Variants in RTKN observed in about 807,000 individuals in gnomAD.
RTKN encodes the protein rhotekin.
A neutral mutation model predicts 63.5 loss-of-function variants in RTKN; 49 were observed. The ratio of observed to expected loss-of-function variants is 0.77; its 90% CI spans 0.61 to 0.98. The LOEUF (loss-of-function observed/expected upper bound fraction) is 0.98, where lower values mean the gene tolerates loss of function less well. Ranked by LOEUF, RTKN falls within the 50% of genes least tolerant of loss-of-function variation. The pLI, the probability that RTKN is intolerant of heterozygous loss-of-function variation, is 0.00. For missense variants in RTKN, 685 were observed against 740.8 expected (o/e 0.92, Z 0.87); for synonymous variants, 295 against 290.4 (o/e 1.02, Z -0.16).
chr2:74,436,235 C>A lies in RTKN; in HGVS notation c.112-3569G>T, dbSNP rs1382590868. Among the ~76,000 whole-genome samples the A allele has an allele frequency of 6.6e-5, 10 of 152,264 alleles. No individual in the cohort carries two copies. Among genetic ancestry groups the A allele is most frequent in the Admixed American group, 5.2e-4 (8 of 15,292 alleles). ...CCATTGCGAGAGGCGCGCAGAGGCGCGCGAGGTCCAGAGAGCTGCACTGGC... is the reference window on the plus strand; with the variant it reads ...CCATTGCGAGAGGCGCGCAGAGGCGAGCGAGGTCCAGAGAGCTGCACTGGC... On this transcript the variant is annotated intron_variant, in intron 1 of 11. Coordinates refer to ENST00000272430, the MANE Select transcript of RTKN (RefSeq NM_001015055.2). This position sits in a 1 kb window ranked among gnomAD's most constrained non-coding sequence, Gnocchi z 4.3.
At chr2:74,431,480 T>C (rs1017111413) in intron 2 of RTKN, among the ~76,000 whole-genome samples, 1 of 152,228 alleles carries the variant, frequency 6.6e-6, no homozygotes, top group East Asian at 1.9e-4. Context: ...AGCTAAATGA[T>C]GTGGCACTAA....
chr2:74,439,860 A>G, intron 1 of RTKN: 2 of 1,355,752 alleles, frequency 1.5e-6, no homozygotes, highest in Non-Finnish European at 1.9e-6. Flanking sequence ...GGAGCCAGGC[A>G]GGGAAGAAAA....
At chr2:74,432,137 A>C in intron 2 of RTKN, 1 of 444,174 alleles carries the variant, frequency 2.3e-6, no homozygotes. Flanking sequence ...GCGTTGAGGA[A>C]ATTAATTTTC....
intron 1 of RTKN, chr2:74,440,508 C>A: frequency 1.0e-6 from 1 of 986,924 alleles, no homozygotes; most frequent in Non-Finnish European, 1.2e-6. Flanking sequence ...CGCCTCCACG[C>A]CAGGCCCACG....
chr2:74,429,244 G>A (rs984704683), intron 6 of RTKN, among the ~76,000 whole-genome samples: 6 of 152,220 alleles, frequency 3.9e-5, no homozygotes, highest in Admixed American at 3.9e-4. Context: ...TAGGTGGAAA[G>A]TGGGGGAGTT....
Position 74,426,435 on chromosome 2 carries a change from T to C in RTKN, c.1500A>G (p.Ser500=). Residue 500 remains serine (S), a synonymous_variant, in exon 12 of 12, where the codon TCA becomes TCG. Coordinates refer to ENST00000272430, the MANE Select transcript of RTKN (RefSeq NM_001015055.2). ...GGGTCCAGTCTGGGGCTGGGGCCAC[T>C]GAGGCAGGCGAGCAGGGGTTAGGCA... ...PALPNPCSPA[S]VAPAPDWTHP... 6.2e-7 allele frequency: 1 copy of C among 1,612,304 alleles called. No individual in the cohort carries two copies. The highest frequency in any genetic ancestry group is 8.5e-7 in the Non-Finnish European group (1 of 1,179,252).
intron 9 of RTKN, 34 bp downstream of exon 9, chr2:74,428,234 C>T: frequency 1.9e-6 from 3 of 1,613,968 alleles, no homozygotes; most frequent in Non-Finnish European, 2.5e-6. Context: ...TGGGCCTGTG[C>T]CCTTGGTGGC....
intron 11 of RTKN, 110 bp downstream of exon 11, chr2:74,427,059 C>T: frequency 6.7e-7 from 1 of 1,483,526 alleles, no homozygotes; most frequent in South Asian, 1.4e-5. Context: ...CCCCAGAGAT[C>T]TGGTGTAGCC....
At chr2:74,440,021 C>T (rs1671271783) in intron 1 of RTKN, 12 of 1,053,952 alleles carry the variant, frequency 1.1e-5, no homozygotes, top group Non-Finnish European at 1.3e-5. Context: ...TGGCCGCTCC[C>T]CAGCCCCCGC....
intron 9 of RTKN, chr2:74,427,845 G>T: frequency 1.9e-6 from 1 of 524,400 alleles, no homozygotes; most frequent in Non-Finnish European, 3.4e-6. Flanking sequence ...AGACACAAAG[G>T]TAGGCAAGGA....
In RTKN at chr2:74,427,169, C is replaced by T; in HGVS notation, c.1360G>A (p.Ala454Thr). Residue 454 changes from alanine (A) to threonine (T), a missense_variant and splice_region_variant, in exon 11 of 12, where the codon GCT (alanine) becomes ACT (threonine). Ala to Thr is a moderately conservative substitution (Grantham distance 58). Coordinates refer to ENST00000272430, the MANE Select transcript of RTKN (RefSeq NM_001015055.2). ...AKQGSLYHEM[A>T]IEPLDDIAAV... ...TGGAGTTCACATTCCTCTCACTTACCCATCTCATGGTACAAGGACCCCTGC... is the reference window on the plus strand; with the variant it reads ...TGGAGTTCACATTCCTCTCACTTACTCATCTCATGGTACAAGGACCCCTGC... The T allele has an allele frequency of 1.2e-6, 2 of 1,613,050 alleles. No homozygotes were observed. The highest frequency in any genetic ancestry group is 1.7e-6 in the Non-Finnish European group (2 of 1,179,134).
At chr2:74,439,795 C>T in intron 1 of RTKN, 4 of 1,420,650 alleles carry the variant, frequency 2.8e-6, no homozygotes, top group Non-Finnish European at 3.7e-6. Context: ...CTGTTAAACC[C>T]CTCTGGCTGC....
chr2:74,432,433 G>C (rs1290485047), intron 2 of RTKN, 34 bp downstream of exon 2: 1 of 1,591,818 alleles, frequency 6.3e-7, no homozygotes. Context: ...AAGGCCTCCT[G>C]CCTCCATCGA....
chr2:74,430,544 A>G (rs1670688427), intron 3 of RTKN, 26 bp from the exon 4 acceptor site: 1 of 1,613,950 alleles, frequency 6.2e-7, no homozygotes, highest in East Asian at 2.2e-5. Flanking sequence ...GTAAGAATAG[A>G]TGTTGAGATG....
At chr2:74,428,778 A>G (rs766803715) in intron 7 of RTKN, 41 bp from the exon 8 acceptor site, 4 of 1,605,764 alleles carry the variant, frequency 2.5e-6, no homozygotes, top group Non-Finnish European at 3.4e-6. Context: ...GGGGAATGAG[A>G]AGGGGACCAT....
Position 74,429,969 on chromosome 2 carries a change from G to GC in RTKN, c.613dup (p.Ala205GlyfsTer73). 2 of 1,614,232 alleles carry GC rather than the reference G, an allele frequency of 1.2e-6. No individual in the cohort carries two copies. The highest frequency in any genetic ancestry group is 1.7e-6 in the Non-Finnish European group (2 of 1,180,028). On this transcript the variant is annotated frameshift_variant, in exon 6 of 12. Transcript: ENST00000272430. LOFTEE classifies it high-confidence loss of function. ...AAGCCTCTTGGGGCCGCCAGTCAGG[G>GC]CCCCCTCTTCTTCCACACAGGCCCC...
Position 74,426,437 on chromosome 2 carries a change from AGGCAGGCGAGCAGGGGTTAGGCAG to A in RTKN, c.1474_1497del (p.Leu492_Ala499del). ...GTCCAGTCTGGGGCTGGGGCCACTG[AGGCAGGCGAGCAGGGGTTAGGCAG>A]GGCAGGCTGGTCTGTAAACATTGCC... On this transcript the variant is annotated inframe_deletion, in exon 12 of 12. Transcript: ENST00000272430. 1 of 1,612,388 alleles carries A rather than the reference AGGCAGGCGAGCAGGGGTTAGGCAG, an allele frequency of 6.2e-7. No individual in the cohort carries two copies. Among genetic ancestry groups the A allele is most frequent in the Non-Finnish European group, 8.5e-7 (1 of 1,179,322 alleles).
rs2103868528 is a variant in RTKN at position 74,426,359 on chromosome 2, G to C, written c.1576C>G (p.Pro526Ala). 2 of 1,612,054 alleles carry C rather than the reference G, an allele frequency of 1.2e-6. No individual in the cohort carries two copies. The highest frequency in any genetic ancestry group is 1.7e-4 in the Middle Eastern group (1 of 6,054). ...GAGCGAGCCCTAGGGGAGTGGTCTG[G>C]GGGGACAGCATCCAGGGAAAAGGTT... ...PRTFSLDAVP[P>A]DHSPRARSVA... The change falls in exon 12 of 12, where the codon CCA becomes GCA. Residue 526 changes from proline to alanine, a missense_variant. Pro to Ala is a conservative substitution (Grantham distance 27). Coordinates refer to ENST00000272430, the MANE Select transcript of RTKN (RefSeq NM_001015055.2).
At chr2:74,429,454 G>A (rs1573241473) in intron 6 of RTKN, among the ~76,000 whole-genome samples, 1 of 152,204 alleles carries the variant, frequency 6.6e-6, no homozygotes, top group African/African-American at 2.4e-5. Flanking sequence ...GCTGAGTGCT[G>A]TGGCTCACGC....
Sources: gnomAD v4.1 joint callset for allele counts (sites outside exome capture counted in the v4.1 genomes callset) on GRCh38, gnomAD v4.1.1 for gene constraint, Gnocchi (gnomAD v3.1) non-coding constraint, MANE v1.5 for transcripts, NCBI Gene and HGNC (gene_info 2026-07-23, HGNC 2026-07-21) for gene names.